FBXO17: variants seen among roughly 807,000 people sequenced by gnomAD.
FBXO17 encodes the protein F-box only protein 17.
A neutral mutation model predicts 34.1 loss-of-function variants in FBXO17; 43 were observed. The observed-to-expected ratio is 1.26, with a 90% CI of 0.99 to 1.62. FBXO17 has a LOEUF of 1.62. Ranked by LOEUF, FBXO17 falls within the 40% of genes most tolerant of loss-of-function variation. The pLI is 0.00. For synonymous variants in FBXO17, 169 were observed against 166.0 expected (o/e 1.02, Z -0.14); for missense variants, 424 against 386.7 (o/e 1.10, Z -0.81).
intron 1 of FBXO17, among the ~76,000 whole-genome samples, chr19:38,953,616 G>A (rs768107477): frequency 6.7e-6 from 1 of 150,046 alleles, no homozygotes; most frequent in Non-Finnish European, 1.5e-5. Context: ...AGCTGAGATC[G>A]CACCACTGCA....
At chr19:38,946,286 G>T in intron 4 of FBXO17, 186 bp downstream of exon 4, 1 of 1,023,966 alleles carries the variant, frequency 9.8e-7, no homozygotes. Flanking sequence ...TGCAGAGTGG[G>T]GGCTCTGGCT....
At chr19:38,962,592 A>G (rs12151267) in intron 1 of FBXO17, among the ~76,000 whole-genome samples, 9,184 of 152,202 alleles carry the variant, frequency 0.06, 374 homozygotes, top group East Asian at 0.2. Flanking sequence ...TCGGTGAGCC[A>G]TGGCCAAGAC....
Position 38,950,116 on chromosome 19 carries a change from G to A in FBXO17, c.204C>T (p.Ser68=), listed in dbSNP as rs1388124472. Residue 68 remains serine (S), a synonymous_variant, in exon 2 of 6, where the codon AGC becomes AGT. Coordinates refer to ENST00000292852, the MANE Select transcript of FBXO17 (RefSeq NM_024907.7). ...CTGCGTAGAGTGCGCGGCCCTCGGC[G>A]CTGCGGTCGCGGGCCAGCTGCAGCA... ...VWLLQLARDR[S]AEGRALYAVA... 1.4e-5 allele frequency: 22 copies of A among 1,560,688 alleles called. No individual in the cohort carries two copies. Among genetic ancestry groups the A allele is most frequent in the Non-Finnish European group, 1.8e-5 (21 of 1,156,228 alleles).
At chr19:38,958,087 T>C (rs74770923) in intron 1 of FBXO17, among the ~76,000 whole-genome samples, 20,108 of 140,578 alleles carry the variant, frequency 0.14, 1,722 homozygotes, top group African/African-American at 0.25. Flanking sequence ...GCCCAGGCAA[T>C]AGAGTGAGAT....
At chr19:38,954,025 G>T (rs1320807569) in intron 1 of FBXO17, among the ~76,000 whole-genome samples, 1 of 152,154 alleles carries the variant, frequency 6.6e-6, no homozygotes, top group South Asian at 2.1e-4. Flanking sequence ...TGAATTAGTT[G>T]TCTAGAAGAC....
intron 1 of FBXO17, among the ~76,000 whole-genome samples, chr19:38,956,121 C>T (rs191464341): frequency 7.3e-4 from 111 of 151,950 alleles, no homozygotes; most frequent in Admixed American, 1.9e-3. Context: ...CAAAAAGTAG[C>T]GGAGCGTGGT....
In FBXO17 at chr19:38,941,918, T is replaced by C. The variant is rs1187237985; in HGVS notation, c.*690A>G. On this transcript the variant is annotated 3_prime_UTR_variant, in exon 6 of 6. Transcript: ENST00000292852. ...GCGGACCTCTGCTCCCTGCCCACGA[T>C]CATTACCCCCAAAACATGCCGGCAA... 1 of 152,102 alleles carries C rather than the reference T, an allele frequency of 6.6e-6. No individual in the cohort carries two copies. Among genetic ancestry groups the C allele is most frequent in the Admixed American group, 6.6e-5 (1 of 15,260 alleles). 9.4% of individuals were successfully genotyped at this position (152,102 alleles called of 1,614,324 possible).
rs536550334 is a variant in FBXO17 at position 38,950,941 on chromosome 19, G to A, written c.-17-605C>T. Among the ~76,000 whole-genome samples, 6 of 151,796 alleles carry A rather than the reference G, an allele frequency of 4.0e-5. No homozygotes were observed. The South Asian group carries it at 6.2e-4, about 16-fold the overall frequency. ...CGAGTAGCTGGAACTACAGGCGCCC[G>A]CCACCACGCCCGGCTAATTTTTGTA... On this transcript the variant is annotated intron_variant, in intron 1 of 5. Transcript: ENST00000292852.
chr19:38,950,172 G>T lies in FBXO17; in HGVS notation c.148C>A (p.Arg50Ser). 1.3e-6 allele frequency: 2 copies of T among 1,558,990 alleles called. No individual in the cohort carries two copies. The highest frequency in any genetic ancestry group is 1.7e-6 in the Non-Finnish European group (2 of 1,158,692). The stretch of plus-strand genomic sequence containing the variant: ...ACAGTGGGCCCGTCCACTATGTCGC[G>T]CCAGGCGCGGCACACTGGGCGGCAT... ...TRCRPVCRAW[R>S]DIVDGPTVWL... Residue 50 changes from arginine (R) to serine (S), a missense_variant, in exon 2 of 6, where the codon CGC (arginine) becomes AGC (serine). Coordinates refer to ENST00000292852, the MANE Select transcript of FBXO17 (RefSeq NM_024907.7).
intron 1 of FBXO17, among the ~76,000 whole-genome samples, chr19:38,967,734 T>A (rs1022866483): frequency 3.3e-5 from 5 of 152,008 alleles, no homozygotes; most frequent in Admixed American, 2.0e-4. Flanking sequence ...ATTCAGCTAA[T>A]TGTTGAATTT....
chr19:38,946,618 TCA>T (rs10568003), intron 3 of FBXO17, 51 bp from the exon 4 acceptor site: 612,976 of 1,603,090 alleles, frequency 0.38, 127,013 homozygotes, highest in East Asian at 0.74. Flanking sequence ...GGCATTCAAG[TCA>T]CAGTCAGAAG....
At chr19:38,947,311 C>A (rs748557940) in intron 3 of FBXO17, 7 of 152,164 alleles carry the variant, frequency 4.6e-5, no homozygotes, top group Non-Finnish European at 8.8e-5. Flanking sequence ...ACCGGCTGAG[C>A]GCGGTGGCTT....
At position 38,967,355 on chromosome 19, in the gene FBXO17, G is replaced by A. The variant is rs8100337; in HGVS notation, c.-18+8231C>T. On this transcript the variant is annotated intron_variant, in intron 1 of 5. Transcript: ENST00000292852. ...CACAAGAGGCTGAGGCCGGAGAATC[G>A]CTTGAACCTGGGAGGCAGAGGTTGC... is the stretch of plus-strand genomic sequence containing the variant. Among the ~76,000 whole-genome samples the A allele has an allele frequency of 6.5e-4, 99 of 152,124 alleles. 1 individual carries two copies. The highest frequency in any genetic ancestry group is 1.9e-3 in the Admixed American group (29 of 15,264).
intron 1 of FBXO17, among the ~76,000 whole-genome samples, chr19:38,973,606 T>G (rs114595578): frequency 0.014 from 2,099 of 152,316 alleles, 38 homozygotes; most frequent in African/African-American, 0.044. Context: ...TTCTATTTGA[T>G]TTCTAAGCCA....
chr19:38,942,738 A>G lies in FBXO17; in HGVS notation c.707T>C (p.Phe236Ser). 6.2e-7 allele frequency: 1 copy of G among 1,606,050 alleles called. No individual in the cohort carries two copies. Among genetic ancestry groups the G allele is most frequent in the Non-Finnish European group, 8.5e-7 (1 of 1,176,864 alleles). Residue 236 changes from phenylalanine to serine, a missense_variant, in exon 6 of 6, where the codon TTC becomes TCC. Transcript: ENST00000292852. ...GCGGATGCCCTTGCCAAAGTTGGTG[A>G]AGACGTGGGAGACCTGCAGGGGGAA... ...ERGCRQVSHV[F>S]TNFGKGIRYV...
intron 1 of FBXO17, among the ~76,000 whole-genome samples, chr19:38,963,745 G>A (rs1034044070): frequency 2.0e-5 from 3 of 151,710 alleles, no homozygotes; most frequent in African/African-American, 7.3e-5. Context: ...AGGCTGCTAT[G>A]AATATTCATG....
chr19:38,973,112 C>A (rs369434286), intron 1 of FBXO17, among the ~76,000 whole-genome samples: 4 of 151,878 alleles, frequency 2.6e-5, no homozygotes, highest in South Asian at 4.2e-4. Context: ...TGGTGGCTCA[C>A]GCTTGTAATT....
At chr19:38,945,168 G>A (rs565380211) in intron 4 of FBXO17, 64 bp from the exon 5 acceptor site, 31 of 1,594,900 alleles carry the variant, frequency 1.9e-5, no homozygotes, top group Non-Finnish European at 2.2e-5. Flanking sequence ...TTTCGGGGCG[G>A]GAGGCTGAGG....
At chr19:38,965,719 C>G (rs931891019) in intron 1 of FBXO17, among the ~76,000 whole-genome samples, 6 of 152,140 alleles carry the variant, frequency 3.9e-5, no homozygotes, top group Non-Finnish European at 8.8e-5. Context: ...GTTGGCCAGG[C>G]TGGTCTTGAA....
Sources: gnomAD v4.1 joint callset for allele counts (sites outside exome capture counted in the v4.1 genomes callset) on GRCh38, gnomAD v4.1.1 for gene constraint, MANE v1.5 for transcripts, NCBI Gene and HGNC (gene_info 2026-07-23, HGNC 2026-07-21) for gene names.